Variants in LRP1B observed in about 807,000 individuals in gnomAD.
The protein encoded by LRP1B is low-density lipoprotein receptor-related protein 1B.
In LRP1B, 217 loss-of-function variants were observed where a neutral mutation model predicts 556.6. The ratio of observed to expected loss-of-function variants is 0.39; its 90% CI spans 0.35 to 0.44. The LOEUF is 0.44. LRP1B is among the 20% of genes least tolerant of loss of function. LRP1B has a pLI of 1.00. For synonymous variants in LRP1B, 2,047 were observed against 1,865.8 expected (o/e 1.10, Z -2.50); for missense variants, 5,053 against 5,620.8 (o/e 0.90, Z 3.23).
intron 43 of LRP1B, among the ~76,000 whole-genome samples, chr2:140,557,215 T>TA (rs1289583072): frequency 2.4e-4 from 36 of 152,238 alleles, no homozygotes; most frequent in African/African-American, 8.7e-4. Flanking sequence ...TTCTTCCTCA[T>TA]AAGCAAACTC....
intron 2 of LRP1B, among the ~76,000 whole-genome samples, chr2:141,523,567 C>A (rs924066152): frequency 6.6e-6 from 1 of 152,042 alleles, no homozygotes; most frequent in African/African-American, 2.4e-5. Context: ...GCTGTTTCAT[C>A]CTTTAGACAA....
intron 18 of LRP1B, among the ~76,000 whole-genome samples, chr2:140,953,217 A>G (rs1695771417): frequency 6.6e-6 from 1 of 152,094 alleles, no homozygotes; most frequent in Non-Finnish European, 1.5e-5. Context: ...CAGCTTCCCA[A>G]GTAGCTGGGA....
chr2:140,279,885 T>C (rs1246792481), intron 84 of LRP1B, among the ~76,000 whole-genome samples: 1 of 151,848 alleles, frequency 6.6e-6, no homozygotes. Flanking sequence ...AAAAATACTT[T>C]AAAACCATTT....
chr2:141,896,968 T>G (rs574985013), intron 1 of LRP1B, among the ~76,000 whole-genome samples: 25 of 152,138 alleles, frequency 1.6e-4, no homozygotes, highest in African/African-American at 5.5e-4. Flanking sequence ...TCTTTCCCAA[T>G]TGATACCACC....
intron 35 of LRP1B, among the ~76,000 whole-genome samples, chr2:140,745,751 T>C (rs1688293651): frequency 6.6e-6 from 1 of 152,110 alleles, no homozygotes; most frequent in African/African-American, 2.4e-5. Flanking sequence ...CCATCCTTGG[T>C]ATAAAAAACA....
intron 55 of LRP1B, among the ~76,000 whole-genome samples, chr2:140,500,777 T>C (rs1689152271): frequency 6.6e-6 from 1 of 151,944 alleles, no homozygotes; most frequent in Non-Finnish European, 1.5e-5. Context: ...CAATTCGTCA[T>C]GGTTTCCCTT....
chr2:140,368,994 G>A (rs1682875988), intron 71 of LRP1B, among the ~76,000 whole-genome samples: 1 of 151,658 alleles, frequency 6.6e-6, no homozygotes, highest in African/African-American at 2.4e-5. Flanking sequence ...TGAAACATTT[G>A]GAAATGATTG....
intron 2 of LRP1B, among the ~76,000 whole-genome samples, chr2:141,522,393 A>G (rs1423722692): frequency 2.6e-5 from 4 of 152,162 alleles, no homozygotes; most frequent in African/African-American, 7.2e-5. Flanking sequence ...TGAATAGCCA[A>G]TGAAAGGAGA....
intron 1 of LRP1B, among the ~76,000 whole-genome samples, chr2:142,111,219 T>TCTGTTC (rs1388092113): frequency 6.6e-6 from 1 of 152,126 alleles, no homozygotes; most frequent in African/African-American, 2.4e-5. Context: ...GTTTTATAAA[T>TCTGTTC]CTGTTCTATA....
chr2:140,254,890 A>T (rs1681610648), intron 86 of LRP1B, among the ~76,000 whole-genome samples: 1 of 152,128 alleles, frequency 6.6e-6, no homozygotes, highest in Non-Finnish European at 1.5e-5. Flanking sequence ...CATAGCGACC[A>T]AAATGCAACA....
intron 1 of LRP1B, among the ~76,000 whole-genome samples, chr2:141,924,919 T>TC (rs1369467904): frequency 6.6e-6 from 1 of 152,212 alleles, no homozygotes; most frequent in South Asian, 2.1e-4. Flanking sequence ...CTCTTTTTTT[T>TC]CCTCAGAGAA....
At chr2:141,165,510 A>G (rs1246655136) in intron 7 of LRP1B, among the ~76,000 whole-genome samples, 2 of 151,992 alleles carry the variant, frequency 1.3e-5, no homozygotes, top group Non-Finnish European at 2.9e-5. Flanking sequence ...TATTAGATTT[A>G]TATTTGTCTC....
chr2:141,584,228 G>C (rs1215676832), intron 2 of LRP1B, among the ~76,000 whole-genome samples: 2 of 151,474 alleles, frequency 1.3e-5, no homozygotes, highest in Non-Finnish European at 2.9e-5. Context: ...CTGGGTGACA[G>C]AGTGAGACCT....
intron 1 of LRP1B, among the ~76,000 whole-genome samples, chr2:141,898,303 A>G (rs1165328354): frequency 6.6e-6 from 1 of 152,082 alleles, no homozygotes; most frequent in African/African-American, 2.4e-5. Flanking sequence ...CTCTGGAAGG[A>G]TATCCAGAGC....
chr2:141,252,439 G>A (rs1452990001), intron 4 of LRP1B, among the ~76,000 whole-genome samples: 1 of 152,126 alleles, frequency 6.6e-6, no homozygotes, highest in Non-Finnish European at 1.5e-5. Context: ...ATAACAGCCA[G>A]CAATCATGGA....
At chr2:140,352,650 A>G (rs1573832996) in intron 76 of LRP1B, among the ~76,000 whole-genome samples, 2 of 152,204 alleles carry the variant, frequency 1.3e-5, no homozygotes, top group Non-Finnish European at 2.9e-5. Context: ...AGAGCAGACC[A>G]TCAAGAGAGA....
intron 1 of LRP1B, among the ~76,000 whole-genome samples, chr2:141,871,760 G>T (rs971890373): frequency 3.9e-5 from 6 of 151,924 alleles, no homozygotes; most frequent in Non-Finnish European, 8.8e-5. Context: ...TTTAGTTTAT[G>T]CAGGGCAATA....
chr2:141,019,852 A>G (rs1698014626), intron 12 of LRP1B, 70 bp downstream of exon 12: 1 of 1,155,218 alleles, frequency 8.7e-7, no homozygotes. Context: ...TAAAACTATT[A>G]TTAACTATGT....
chr2:141,483,175 A>G (rs1370619662), intron 2 of LRP1B, among the ~76,000 whole-genome samples: 1 of 134,680 alleles, frequency 7.4e-6, no homozygotes, highest in Non-Finnish European at 1.5e-5. Flanking sequence ...ATGTGTTCTC[A>G]TTGTTCAATT....
Sources: allele counts gnomAD v4.1 joint callset (sites outside exome capture counted in the v4.1 genomes callset), GRCh38; gene constraint gnomAD v4.1.1; transcripts MANE v1.5; gene names NCBI Gene and HGNC (gene_info 2026-07-23, HGNC 2026-07-21).